Variants in UVRAG observed in about 807,000 individuals in gnomAD.
UVRAG encodes UV radiation resistance associated.
A neutral mutation model predicts 78.0 loss-of-function variants in UVRAG; 19 were observed. That is an observed-to-expected ratio of 0.24 (90% confidence interval 0.17 to 0.36). The LOEUF is 0.36. Among genes scored for constraint, UVRAG ranks in the 10% least tolerant of loss-of-function variants. The pLI, the probability that UVRAG is intolerant of heterozygous loss-of-function variation, is 1.00. For missense variants in UVRAG, 740 were observed against 853.8 expected (o/e 0.87, Z 1.66); for synonymous variants, 323 against 324.6 (o/e 1.00, Z 0.05).
chr11:76,121,225 C>T (rs1228961853), intron 14 of UVRAG, among the ~76,000 whole-genome samples: 2 of 151,976 alleles, frequency 1.3e-5, no homozygotes, highest in Non-Finnish European at 2.9e-5. Flanking sequence ...TAAAATGAAC[C>T]CCCATTTTTT....
chr11:75,856,427 A>G (rs1044678134), intron 2 of UVRAG, among the ~76,000 whole-genome samples: 5 of 152,126 alleles, frequency 3.3e-5, no homozygotes, highest in South Asian at 4.1e-4. Flanking sequence ...TGGTGATCTT[A>G]CCCAAGTCTC....
chr11:76,078,669 C>T (rs567521044), intron 13 of UVRAG, among the ~76,000 whole-genome samples: 11 of 146,278 alleles, frequency 7.5e-5, no homozygotes, highest in Non-Finnish European at 1.2e-4. Flanking sequence ...TTTGGGAGGC[C>T]GAGGTGTGCG....
chr11:76,034,331 A>G (rs1950490398), intron 12 of UVRAG, among the ~76,000 whole-genome samples: 1 of 152,056 alleles, frequency 6.6e-6, no homozygotes, highest in Non-Finnish European at 1.5e-5. Flanking sequence ...ACCTGGGATT[A>G]TAGTCTTATG....
chr11:75,954,332 C>A (rs905681326), intron 6 of UVRAG, among the ~76,000 whole-genome samples: 1 of 152,126 alleles, frequency 6.6e-6, no homozygotes, highest in African/African-American at 2.4e-5. Flanking sequence ...TTTTTAAAGT[C>A]TTTACCATTT....
At chr11:76,074,472 A>G (rs1283355831) in intron 13 of UVRAG, among the ~76,000 whole-genome samples, 1 of 152,218 alleles carries the variant, frequency 6.6e-6, no homozygotes, top group Admixed American at 6.5e-5. Flanking sequence ...TGAAAGCTCA[A>G]TATTTAAGAG....
At chr11:76,019,597 G>C (rs1223554434) in intron 12 of UVRAG, among the ~76,000 whole-genome samples, 1 of 152,220 alleles carries the variant, frequency 6.6e-6, no homozygotes, top group African/African-American at 2.4e-5. Flanking sequence ...TCTTGTAGAG[G>C]TACCACTTGG....
At chr11:75,872,581 G>T (rs1004561938) in intron 3 of UVRAG, among the ~76,000 whole-genome samples, 1 of 151,966 alleles carries the variant, frequency 6.6e-6, no homozygotes, top group Admixed American at 6.6e-5. Context: ...TAGAGGTGGG[G>T]TTTCACCATA....
chr11:76,012,797 TTGTGTGTGTGTGTGTGTGTGTGTGTGTG>T (rs56838372), intron 11 of UVRAG: 62 of 125,634 alleles, frequency 4.9e-4, no homozygotes, highest in African/African-American at 1.5e-3. Flanking sequence ...AAAAAAATGT[TTGTGTGTGTGTGTGTGTGTGTGTGTGTG>T]TGTGTGTGTG....
At chr11:75,960,986 T>A (rs76587629) in intron 6 of UVRAG, among the ~76,000 whole-genome samples, 2,749 of 152,266 alleles carry the variant, frequency 0.018, 76 homozygotes, top group African/African-American at 0.062. Context: ...TTGAGAGTGC[T>A]GTCTGCTTTG....
At chr11:76,103,687 A>G (rs989568572) in intron 13 of UVRAG, among the ~76,000 whole-genome samples, 2 of 152,076 alleles carry the variant, frequency 1.3e-5, no homozygotes, top group Non-Finnish European at 2.9e-5. Context: ...CTATTATAGT[A>G]AAATTAATAT....
At chr11:75,871,798 A>G (rs1001163294) in intron 3 of UVRAG, among the ~76,000 whole-genome samples, 9 of 152,344 alleles carry the variant, frequency 5.9e-5, no homozygotes, top group African/African-American at 2.2e-4. Flanking sequence ...TACCAGTTAC[A>G]TCTTACCAGC....
At chr11:76,092,646 G>T (rs1255272161) in intron 13 of UVRAG, among the ~76,000 whole-genome samples, 1 of 152,212 alleles carries the variant, frequency 6.6e-6, no homozygotes. Flanking sequence ...CTTTTGAGAA[G>T]TGTCTGTTCA....
intron 1 of UVRAG, among the ~76,000 whole-genome samples, chr11:75,821,335 CTTTG>C (rs897369936): frequency 6.6e-5 from 10 of 151,914 alleles, no homozygotes; most frequent in South Asian, 2.1e-4. Flanking sequence ...TTGATGGGTC[CTTTG>C]TTTGTTTGCT....
At position 75,938,414 on chromosome 11, in the gene UVRAG, A is replaced by G. The variant is rs141524482; in HGVS notation, c.594-23030A>G. Among the ~76,000 whole-genome samples the G allele has an allele frequency of 9.5e-3, 1,440 of 152,232 alleles. 12 individuals are homozygous for G. The highest frequency in any genetic ancestry group is 0.017 in the Middle Eastern group (5 of 294). On this transcript the variant is annotated intron_variant, in intron 6 of 14. Transcript: ENST00000356136. ...TGCATATACAGTCATTTTTAATTGG[A>G]TGTCAGGCATTGTCAATTTTACCTT... is the stretch of plus-strand genomic sequence containing the variant.
At chr11:75,867,236 A>G (rs1476032668) in intron 3 of UVRAG, among the ~76,000 whole-genome samples, 1 of 152,198 alleles carries the variant, frequency 6.6e-6, no homozygotes, top group Non-Finnish European at 1.5e-5. Flanking sequence ...AATTATCTCA[A>G]ACTGAATACA....
intron 6 of UVRAG, among the ~76,000 whole-genome samples, chr11:75,959,842 A>C (rs1216023950): frequency 6.6e-6 from 1 of 152,126 alleles, no homozygotes; most frequent in African/African-American, 2.4e-5. Flanking sequence ...GAACACCTAG[A>C]GGTTACTGTA....
chr11:76,003,288 T>TTTTTTG lies in UVRAG; in HGVS notation c.827-717_827-716insTTTTTG, dbSNP rs1491521163. On this transcript the variant is annotated intron_variant, in intron 8 of 14. Coordinates refer to ENST00000356136, the MANE Select transcript of UVRAG (RefSeq NM_003369.4). ...TTTTTTTTTTTTTTTTTTTTTTTTT[T>TTTTTTG]GGAGACAGAGTCTCGTTCTCTTGCC... Among the ~76,000 whole-genome samples, 6 of 62,550 alleles carry TTTTTTG rather than the reference T, an allele frequency of 9.6e-5. 1 individual carries two copies. Among genetic ancestry groups the TTTTTTG allele is most frequent in the African/African-American group, 3.6e-4 (6 of 16,494 alleles). The allele number at this position is 62,550 out of a possible 152,430, so 41.0% of individuals were successfully genotyped here.
chr11:75,893,670 C>CAA (rs1048785134), intron 5 of UVRAG, among the ~76,000 whole-genome samples: 631 of 60,334 alleles, frequency 0.01, 21 homozygotes, highest in African/African-American at 0.02. Context: ...CTATCTCTAC[C>CAA]AAAAAAAAAA....
intron 12 of UVRAG, among the ~76,000 whole-genome samples, chr11:76,044,491 G>T (rs776075556): frequency 2.0e-5 from 3 of 152,208 alleles, no homozygotes; most frequent in African/African-American, 4.8e-5. Context: ...TAAAAAGCAG[G>T]CCAGGCGCCG....
Sources: gnomAD v4.1 joint callset for allele counts (sites outside exome capture counted in the v4.1 genomes callset) on GRCh38, gnomAD v4.1.1 for gene constraint, MANE v1.5 for transcripts, NCBI Gene and HGNC (gene_info 2026-07-23, HGNC 2026-07-21) for gene names.